The following LARP4B variants were observed in gnomAD, a reference collection of about 807,000 sequenced individuals.
LARP4B encodes la-related protein 4B.
LARP4B carries 12 observed loss-of-function variants against 89.8 expected under a neutral mutation model. The ratio of observed to expected loss-of-function variants is 0.13; its 90% CI spans 0.09 to 0.22. The LOEUF is 0.22. Among genes scored for constraint, LARP4B ranks in the 10% least tolerant of loss-of-function variants. LARP4B has a pLI of 1.00. For missense variants in LARP4B, 757 were observed against 947.7 expected (o/e 0.80, Z 2.64); for synonymous variants, 367 against 363.3 (o/e 1.01, Z -0.12).
chr10:953,881 A>G, the LARP4B span, among the ~76,000 whole-genome samples: 1 of 152,244 alleles, frequency 6.6e-6, no homozygotes, highest in South Asian at 2.1e-4. Flanking sequence ...ACATCAGAGG[A>G]CTAACAGGAC....
In LARP4B at chr10:829,738, A is replaced by G; in HGVS notation, c.862-4T>C. On this transcript the variant is annotated splice_region_variant and splice_polypyrimidine_tract_variant and intron_variant, in intron 9 of 17. Coordinates refer to ENST00000316157, the MANE Select transcript of LARP4B (RefSeq NM_015155.3). ...CTTCTCGAAGGTATTTGTAAGCCTA[A>G]GGGCAAAATTAAGTACAAAATTCCA... 6.2e-7 allele frequency: 1 copy of G among 1,609,498 alleles called. No homozygotes were observed. The highest frequency in any genetic ancestry group is 1.1e-5 in the South Asian group (1 of 90,970).
At position 931,438 on chromosome 10, in the gene LARP4B, C is replaced by A; in HGVS notation, c.-50G>T. On this transcript the variant is annotated 5_prime_UTR_variant, in exon 1 of 18. Transcript: ENST00000316157. ...CCCAGGGTGCCTCACCTGTCAGCGC[C>A]GCCGCCCCGCCCGACCGGCCGCCCG... 6.8e-6 allele frequency: 1 copy of A among 147,850 alleles called. No individual in the cohort carries two copies. The highest frequency in any genetic ancestry group is 2.0e-4 in the South Asian group (1 of 5,076). The allele number at this position is 147,850 out of a possible 1,614,324, so 9.2% of individuals were successfully genotyped here.
chr10:849,467 A>G (rs1227305478), intron 5 of LARP4B, among the ~76,000 whole-genome samples: 9 of 152,252 alleles, frequency 5.9e-5, no homozygotes, highest in Non-Finnish European at 1.0e-4. Context: ...AGTATAAAAC[A>G]AACATTCTGG....
At chr10:984,817 G>A in the LARP4B span, among the ~76,000 whole-genome samples, 16 of 152,084 alleles carry the variant, frequency 1.1e-4, no homozygotes, top group Admixed American at 9.8e-4. Context: ...CCAGCTACTC[G>A]GGAGGCTGAG....
In LARP4B at chr10:873,271, A is replaced by G. The variant is rs979736758; in HGVS notation, c.142-9001T>C. 3.7e-5 allele frequency: 36 copies of G among 985,256 alleles called. No homozygotes were observed. The African/African-American group carries it at 5.9e-4, about 16-fold the overall frequency. 61.0% of individuals were successfully genotyped at this position (985,256 alleles called of 1,614,324 possible). ...AGAGACCAAAAATAACCCCTTGCACAGCGGTCACATGTTCCTGCCACTCAA... is the reference window on the plus strand; with the variant it reads ...AGAGACCAAAAATAACCCCTTGCACGGCGGTCACATGTTCCTGCCACTCAA... On this transcript the variant is annotated intron_variant, in intron 3 of 17. Transcript: ENST00000316157.
intron 15 of LARP4B, 87 bp downstream of exon 15, chr10:817,638 A>G (rs1832131433): frequency 7.9e-7 from 1 of 1,271,564 alleles, no homozygotes; most frequent in Non-Finnish European, 1.1e-6. Flanking sequence ...AAAAACAAAC[A>G]TGTATAAAGA....
upstream of LARP4B, among the ~76,000 whole-genome samples, chr10:934,293 T>G (rs1430358649): frequency 6.6e-6 from 1 of 151,790 alleles, no homozygotes; most frequent in East Asian, 2.0e-4. Flanking sequence ...GGCCAAGAGT[T>G]CAAGACCAGT....
At chr10:912,655 T>C (rs1836699552) in intron 1 of LARP4B, among the ~76,000 whole-genome samples, 1 of 144,596 alleles carries the variant, frequency 6.9e-6, no homozygotes, top group African/African-American at 2.6e-5. Flanking sequence ...GCAGATCCCT[T>C]GAGCTCAAGA....
intron 1 of LARP4B, among the ~76,000 whole-genome samples, chr10:913,319 T>G (rs1359925472): frequency 6.6e-6 from 1 of 152,242 alleles, no homozygotes; most frequent in Non-Finnish European, 1.5e-5. Context: ...TGTCTTTACT[T>G]TTATGTATCA....
intron 14 of LARP4B, 23 bp from the exon 15 acceptor site, chr10:817,912 G>A (rs765620305): frequency 1.2e-6 from 2 of 1,608,004 alleles, no homozygotes; most frequent in South Asian, 2.2e-5. Context: ...GACACCCCAG[G>A]GTCACGGTAT....
chr10:963,993 A>G, the LARP4B span, among the ~76,000 whole-genome samples: 1 of 152,226 alleles, frequency 6.6e-6, no homozygotes, highest in Admixed American at 6.5e-5. Context: ...TAAGTTCCAT[A>G]AACAAGTTCT....
intron 1 of LARP4B, among the ~76,000 whole-genome samples, chr10:915,251 C>A (rs35174953): frequency 0.19 from 28,294 of 151,858 alleles, 2,863 homozygotes; most frequent in Non-Finnish European, 0.23. Context: ...CACCACTACA[C>A]TCCACCCCAG....
chr10:934,454 C>T (rs1382295677), upstream of LARP4B, among the ~76,000 whole-genome samples: 2 of 152,046 alleles, frequency 1.3e-5, no homozygotes, highest in African/African-American at 4.8e-5. Context: ...TGTGCCACCG[C>T]ATTCCAGCCT....
the LARP4B span, among the ~76,000 whole-genome samples, chr10:945,604 G>C: frequency 7.3e-5 from 11 of 151,392 alleles, no homozygotes; most frequent in Non-Finnish European, 1.3e-4. Context: ...AGGAGAATGG[G>C]GTGAACCCGG....
the LARP4B span, among the ~76,000 whole-genome samples, chr10:950,701 A>T: frequency 3.9e-5 from 6 of 152,214 alleles, no homozygotes; most frequent in African/African-American, 1.4e-4. Flanking sequence ...TTCAGCATAT[A>T]GATCCTGTAC....
chr10:951,134 G>A, the LARP4B span, among the ~76,000 whole-genome samples: 1 of 152,084 alleles, frequency 6.6e-6, no homozygotes, highest in Non-Finnish European at 1.5e-5. Flanking sequence ...AGGCATCCTT[G>A]CCTTGTTCCT....
intron 5 of LARP4B, among the ~76,000 whole-genome samples, chr10:860,237 G>A (rs1438196132): frequency 6.6e-6 from 1 of 152,066 alleles, no homozygotes; most frequent in African/African-American, 2.4e-5. Context: ...ATGTTTGATA[G>A]CATTAGTCCT....
rs75877716 is a variant in LARP4B, at chr10:888,551, A to G, written c.-39-2791T>C. Among the ~76,000 whole-genome samples the G allele has an allele frequency of 2.8e-3, 429 of 152,342 alleles. 5 individuals are homozygous for G. Among genetic ancestry groups the G allele is most frequent in the African/African-American group, 1.0e-2 (415 of 41,588 alleles). ...GTACCACAGGCACAAACAAGTGTTAAGCTCCTACAGCATATTTCCAGTCAC... is the reference window on the plus strand; with the variant it reads ...GTACCACAGGCACAAACAAGTGTTAGGCTCCTACAGCATATTTCCAGTCAC... On this transcript the variant is annotated intron_variant, in intron 1 of 17. Coordinates refer to ENST00000316157, the MANE Select transcript of LARP4B (RefSeq NM_015155.3).
intron 5 of LARP4B, among the ~76,000 whole-genome samples, chr10:860,012 T>C (rs1180494246): frequency 1.3e-5 from 2 of 150,996 alleles, no homozygotes; most frequent in Non-Finnish European, 2.9e-5. Context: ...TGAGCCCTCA[T>C]GTAAACTGTA....
Sources: gnomAD v4.1 joint callset for allele counts (sites outside exome capture counted in the v4.1 genomes callset) on GRCh38, gnomAD v4.1.1 for gene constraint, MANE v1.5 for transcripts, NCBI Gene and HGNC (gene_info 2026-07-23, HGNC 2026-07-21) for gene names.